The following FRAS1 variants were observed in gnomAD, a reference collection of about 807,000 sequenced individuals.
FRAS1 encodes the protein extracellular matrix organizing protein FRAS1.
FRAS1 carries 290 observed loss-of-function variants against 435.2 expected under a neutral mutation model. That is an observed-to-expected ratio of 0.67 (90% confidence interval 0.61 to 0.73). The LOEUF (loss-of-function observed/expected upper bound fraction) is 0.73, where lower values mean the gene tolerates loss of function less well. FRAS1 is among the 30% of genes least tolerant of loss of function. FRAS1 has a pLI of 0.00. For synonymous variants in FRAS1, 1,800 were observed against 1,851.0 expected, an observed-to-expected ratio of 0.97 and a Z score of 0.71; for missense variants, 4,860 against 5,001.5, an observed-to-expected ratio of 0.97 and a Z score of 0.85.
rs775553802 is a variant in FRAS1 at position 78,470,051 on chromosome 4, C to T, written c.7331C>T (p.Thr2444Ile). The T allele has an allele frequency of 1.2e-6, 2 of 1,613,528 alleles. No homozygotes were observed. Among genetic ancestry groups the T allele is most frequent in the African/African-American group, 2.7e-5 (2 of 74,902 alleles). ...GATGATGGCACGCCTAGAATTGTCACCAACCTGGGACTCCAGTGGCTGGAA... is the reference window on the plus strand; with the variant it reads ...GATGATGGCACGCCTAGAATTGTCATCAACCTGGGACTCCAGTGGCTGGAA... Reference protein sequence around the residue: ...PVDDGTPRIVTNLGLQWLEYM... With the variant: ...PVDDGTPRIVINLGLQWLEYM... Residue 2444 changes from threonine (T) to isoleucine (I), a missense_variant, in exon 51 of 74, where the codon ACC becomes ATC. By Grantham distance (89) the Thr-to-Ile change is moderately conservative. Transcript: ENST00000512123.
intron 2 of FRAS1, among the ~76,000 whole-genome samples, chr4:78,221,823 G>A (rs775804845): frequency 1.3e-5 from 2 of 152,180 alleles, no homozygotes; most frequent in Non-Finnish European, 2.9e-5. Flanking sequence ...ACCCCTGTAA[G>A]TCCCATATTG....
intron 70 of FRAS1, among the ~76,000 whole-genome samples, chr4:78,527,135 T>C (rs74431945): frequency 0.022 from 3,286 of 152,282 alleles, 52 homozygotes; most frequent in Admixed American, 0.041. Context: ...AATTGGTTGA[T>C]ATAAATGTTG....
Position 78,514,835 on chromosome 4 carries a change from G to T in FRAS1, c.10175-964G>T, listed in dbSNP as rs574471847. 3.3e-5 allele frequency among the ~76,000 whole-genome samples: 5 copies of T among 152,264 alleles called. No homozygotes were observed. In the East Asian group the frequency reaches 9.6e-4, roughly 29 times the overall value. On this transcript the variant is annotated intron_variant, in intron 65 of 73. Coordinates refer to ENST00000512123, the MANE Select transcript of FRAS1 (RefSeq NM_025074.7). ...TAATCCTAGCACTTTGGGAGGCTGA[G>T]GCGGGTGGATTGCCTGAGCTTAGGA...
Position 78,384,113 on chromosome 4 carries a change from G to C in FRAS1, c.3618G>C (p.Gln1206His), listed in dbSNP as rs547777804. Residue 1206 changes from glutamine to histidine, a missense_variant, in exon 28 of 74, where the codon CAG becomes CAC. Physicochemically the swap from Gln to His is conservative, Grantham distance 24. Coordinates refer to ENST00000512123, the MANE Select transcript of FRAS1 (RefSeq NM_025074.7). ...ISDQQFFSEP[Q>H]LINIQAFSTQ... ...ACCAGCAGTTCTTCTCTGAGCCACA[G>C]CTGATCAACATACAAGCATTTTCAA... 5 of 1,604,872 alleles carry C rather than the reference G, an allele frequency of 3.1e-6. No homozygotes were observed. The highest frequency in any genetic ancestry group is 4.2e-6 in the Non-Finnish European group (5 of 1,177,458).
intron 35 of FRAS1, among the ~76,000 whole-genome samples, chr4:78,424,944 ATTAATGT>A (rs1733940222): frequency 6.6e-6 from 1 of 151,990 alleles, no homozygotes; most frequent in African/African-American, 2.4e-5. Context: ...AAAAAAAGAA[ATTAATGT>A]TTAAGCCCAA....
At chr4:78,101,617 A>G (rs933527234) in intron 2 of FRAS1, among the ~76,000 whole-genome samples, 51 of 152,170 alleles carry the variant, frequency 3.4e-4, no homozygotes, top group African/African-American at 1.2e-3. Flanking sequence ...TCTCTAGAGA[A>G]AGTTCTCAAG....
chr4:78,347,790 T>G (rs1432774232), intron 20 of FRAS1, among the ~76,000 whole-genome samples: 7 of 125,106 alleles, frequency 5.6e-5, no homozygotes, highest in East Asian at 4.1e-4. Flanking sequence ...TGTGTGTGTT[T>G]TTTTTTTTTT....
intron 2 of FRAS1, among the ~76,000 whole-genome samples, chr4:78,211,380 G>A (rs1357711231): frequency 2.6e-5 from 4 of 152,224 alleles, no homozygotes; most frequent in Non-Finnish European, 5.9e-5. Context: ...TTTATATACT[G>A]TCATTGAAAA....
At chr4:78,196,230 A>T (rs1009450553) in intron 2 of FRAS1, among the ~76,000 whole-genome samples, 3 of 152,026 alleles carry the variant, frequency 2.0e-5, no homozygotes, top group African/African-American at 7.2e-5. Flanking sequence ...GATGGTCTTG[A>T]TCTCCTGACC....
At chr4:78,526,780 C>A in intron 70 of FRAS1, 123 bp downstream of exon 70, 4 of 629,868 alleles carry the variant, frequency 6.4e-6, no homozygotes, top group East Asian at 3.1e-5. Context: ...CACTGACATG[C>A]ACAGCAGAGT....
At chr4:78,165,946 A>G (rs896316232) in intron 2 of FRAS1, among the ~76,000 whole-genome samples, 1 of 152,116 alleles carries the variant, frequency 6.6e-6, no homozygotes, top group African/African-American at 2.4e-5. Flanking sequence ...CCCAGCTCAG[A>G]TTCGAAAGAT....
chr4:78,520,004 G>C (rs1024919422), intron 67 of FRAS1, among the ~76,000 whole-genome samples: 1 of 152,136 alleles, frequency 6.6e-6, no homozygotes, highest in Non-Finnish European at 1.5e-5. Context: ...CTGTGATACT[G>C]AATGTTTAAA....
chr4:78,400,707 T>C, intron 29 of FRAS1, 27 bp from the exon 30 acceptor site: 1 of 1,606,002 alleles, frequency 6.2e-7, no homozygotes, highest in South Asian at 1.1e-5. Flanking sequence ...TGCTTGGAAC[T>C]AATTCTGCAT....
In FRAS1 at chr4:78,466,388, T is replaced by A; in HGVS notation, c.7210T>A (p.Ser2404Thr). 6.2e-7 allele frequency: 1 copy of A among 1,613,954 alleles called. No individual in the cohort carries two copies. Among genetic ancestry groups the A allele is most frequent in the Non-Finnish European group, 8.5e-7 (1 of 1,179,864 alleles). The change falls in exon 50 of 74, where the codon TCT (serine) becomes ACT (threonine). Residue 2404 changes from serine to threonine, a missense_variant. Physicochemically the swap from Ser to Thr is moderately conservative, Grantham distance 58. Coordinates refer to ENST00000512123, the MANE Select transcript of FRAS1 (RefSeq NM_025074.7). ...CAAGGACCGGTTCACCTTCACTGTT[T>A]CTGATGGGACAAACCCCTTCTTTAT... ...SLKDRFTFTV[S>T]DGTNPFFIIE...
intron 30 of FRAS1, among the ~76,000 whole-genome samples, chr4:78,406,472 G>A (rs895781317): frequency 1.3e-5 from 2 of 152,124 alleles, no homozygotes; most frequent in African/African-American, 4.8e-5. Flanking sequence ...AGAAAATGAG[G>A]AAGAGGCAAA....
intron 26 of FRAS1, among the ~76,000 whole-genome samples, chr4:78,378,945 C>T (rs577658175): frequency 1.1e-4 from 16 of 152,182 alleles, no homozygotes; most frequent in Non-Finnish European, 1.3e-4. Context: ...TTGTCTACTT[C>T]AAAATCGTAA....
intron 11 of FRAS1, among the ~76,000 whole-genome samples, chr4:78,282,110 C>G (rs1386530784): frequency 6.6e-6 from 1 of 152,182 alleles, no homozygotes; most frequent in Non-Finnish European, 1.5e-5. Context: ...AAAATCTGCT[C>G]TCCTGTTTTC....
At chr4:78,237,078 C>T (rs1414273507) in intron 2 of FRAS1, among the ~76,000 whole-genome samples, 1 of 151,916 alleles carries the variant, frequency 6.6e-6, no homozygotes, top group South Asian at 2.1e-4. Context: ...AAAATGAAGC[C>T]TGTGGTGCTT....
chr4:78,440,153 C>T (rs1276779680), intron 40 of FRAS1, among the ~76,000 whole-genome samples: 1 of 151,174 alleles, frequency 6.6e-6, no homozygotes, highest in Non-Finnish European at 1.5e-5. Context: ...GCCTCAGCCT[C>T]CCGAGTAGCT....
Sources: gnomAD v4.1 joint callset for allele counts (sites outside exome capture counted in the v4.1 genomes callset) on GRCh38, gnomAD v4.1.1 for gene constraint, MANE v1.5 for transcripts, NCBI Gene and HGNC (gene_info 2026-07-23, HGNC 2026-07-21) for gene names.